Variants in ARHGAP18 observed in about 807,000 individuals in gnomAD.
ARHGAP18 encodes the protein Rho GTPase activating protein 18.
In ARHGAP18, 67 loss-of-function variants were observed where a neutral mutation model predicts 86.2. The ratio of observed to expected loss-of-function variants is 0.78; its 90% confidence interval spans 0.64 to 0.95. The LOEUF is 0.95. Ranked by LOEUF, ARHGAP18 falls within the 40% of genes least tolerant of loss-of-function variation. The probability of loss-of-function intolerance (pLI) is 0.00; values close to 1 mark genes in which losing one functional copy is unlikely to be tolerated. For missense variants in ARHGAP18, 691 were observed against 780.4 expected (o/e 0.89, Z 1.37); for synonymous variants, 283 against 280.4 (o/e 1.01, Z -0.09).
intron 10 of ARHGAP18, among the ~76,000 whole-genome samples, chr6:129,601,148 T>G (rs1788734441): frequency 6.6e-6 from 1 of 152,190 alleles, no homozygotes; most frequent in Non-Finnish European, 1.5e-5. Context: ...ATGGGAGTCA[T>G]GGAGAGCTGA....
intron 5 of ARHGAP18, among the ~76,000 whole-genome samples, chr6:129,626,564 C>T (rs1789476876): frequency 1.3e-5 from 2 of 151,810 alleles, no homozygotes; most frequent in Admixed American, 1.3e-4. Context: ...ACCAGGTATG[C>T]AGCTGATGGC....
rs1327070261 is a variant in ARHGAP18, at chr6:129,625,291, T to A, written c.786+4062A>T. Among the ~76,000 whole-genome samples the A allele has an allele frequency of 3.7e-5, 3 of 80,804 alleles. 1 individual carries two copies. Among genetic ancestry groups the A allele is most frequent in the Non-Finnish European group, 6.4e-5 (3 of 46,608 alleles). 53.0% of individuals were successfully genotyped at this position (80,804 alleles called of 152,430 possible). ...GATATATATTTATATGTAATATATATGATATATGATATATATTTATATGTA... is the reference window on the plus strand; with the variant it reads ...GATATATATTTATATGTAATATATAAGATATATGATATATATTTATATGTA... On this transcript the variant is annotated intron_variant, in intron 5 of 14. Coordinates refer to ENST00000368149, the MANE Select transcript of ARHGAP18 (RefSeq NM_033515.3).
chr6:129,640,062 AAACAAAC>A (rs1773420977), intron 2 of ARHGAP18, among the ~76,000 whole-genome samples: 6 of 139,182 alleles, frequency 4.3e-5, no homozygotes, highest in Non-Finnish European at 6.2e-5. Flanking sequence ...AAAAAAAAAA[AAACAAAC>A]AAAAGTCAGC....
chr6:129,703,300 CAATT>C (rs1451058235), intron 1 of ARHGAP18, among the ~76,000 whole-genome samples: 12 of 152,218 alleles, frequency 7.9e-5, no homozygotes, highest in African/African-American at 1.2e-4. Flanking sequence ...TTAAATGCAT[CAATT>C]GTTACGAGTC....
At chr6:129,697,681 C>T (rs554006224) in intron 1 of ARHGAP18, among the ~76,000 whole-genome samples, 31 of 152,216 alleles carry the variant, frequency 2.0e-4, no homozygotes, top group South Asian at 1.5e-3. Flanking sequence ...TGTGTGATTA[C>T]ACTATAATAG....
At chr6:129,647,506 T>C (rs997485070) in intron 1 of ARHGAP18, among the ~76,000 whole-genome samples, 3 of 152,228 alleles carry the variant, frequency 2.0e-5, no homozygotes, top group Non-Finnish European at 4.4e-5. Context: ...CTGTTTTGTT[T>C]TGTTTTCTTA....
In ARHGAP18 at chr6:129,587,394, A is replaced by G. The variant is rs150187115; in HGVS notation, c.1714-3282T>C. 2.6e-3 allele frequency among the ~76,000 whole-genome samples: 399 copies of G among 152,336 alleles called. 4 individuals carry two copies. The highest frequency in any genetic ancestry group is 9.4e-3 in the African/African-American group (390 of 41,566). On this transcript the variant is annotated intron_variant, in intron 12 of 14. Coordinates refer to ENST00000368149, the MANE Select transcript of ARHGAP18 (RefSeq NM_033515.3). ...GAGTTACTAACATTAGCATGTATCT[A>G]CTTGGGGATGTAGTCTCTTTTCCCC... is the stretch of plus-strand genomic sequence containing the variant.
At position 129,638,595 on chromosome 6, in the gene ARHGAP18, G is replaced by A. The variant is rs768170205; in HGVS notation, c.351C>T (p.Ala117=). The change falls in exon 3 of 15, where the codon GCC becomes GCT. Residue 117 remains alanine, a synonymous_variant. Transcript: ENST00000368149. ...ACTCTCCGAAGAGATTGGATAAACCGGCCTCTTTAAGCCACTCTTCTTCCA... is the reference window on the plus strand; with the variant it reads ...ACTCTCCGAAGAGATTGGATAAACCAGCCTCTTTAAGCCACTCTTCTTCCA... ...GELEEEWLKE[A]GLSNLFGESA... is the part of the protein sequence containing the mutation. 18 of 1,613,974 alleles carry A rather than the reference G, an allele frequency of 1.1e-5. No homozygotes were observed. Among genetic ancestry groups the A allele is most frequent in the South Asian group, 6.6e-5 (6 of 91,042 alleles).
At chr6:129,709,327 A>G (rs1774859102) in intron 1 of ARHGAP18, among the ~76,000 whole-genome samples, 1 of 152,222 alleles carries the variant, frequency 6.6e-6, no homozygotes, top group East Asian at 1.9e-4. Context: ...AAGTACACAG[A>G]TAGGGAGAAA....
At chr6:129,636,889 G>A (rs1184056350) in intron 3 of ARHGAP18, among the ~76,000 whole-genome samples, 2 of 152,144 alleles carry the variant, frequency 1.3e-5, no homozygotes. Context: ...TAGATCCGCT[G>A]ATTTTTTACC....
chr6:129,662,113 A>G (rs1039648769), intron 1 of ARHGAP18, among the ~76,000 whole-genome samples: 1 of 152,260 alleles, frequency 6.6e-6, no homozygotes. Flanking sequence ...ACCATTGTGC[A>G]TAATTACCAT....
intron 1 of ARHGAP18, among the ~76,000 whole-genome samples, chr6:129,706,300 A>G (rs1028170392): frequency 2.0e-5 from 3 of 152,248 alleles, no homozygotes; most frequent in African/African-American, 7.2e-5. Flanking sequence ...AGCTACTCAT[A>G]AAAAGTGGTT....
At chr6:129,644,899 T>G (rs542841092) in intron 1 of ARHGAP18, among the ~76,000 whole-genome samples, 22 of 152,362 alleles carry the variant, frequency 1.4e-4, no homozygotes, top group African/African-American at 5.3e-4. Flanking sequence ...AGCTTAGTGC[T>G]GATGAATTGA....
At position 129,629,368 on chromosome 6, in the gene ARHGAP18, A is replaced by G. The variant is rs1773137118; in HGVS notation, c.771T>C (p.Asp257=). 1.9e-6 allele frequency: 3 copies of G among 1,613,566 alleles called. No homozygotes were observed. In the Admixed American group the frequency reaches 5.0e-5, roughly 27 times the overall value. ...TACTACGTACAGGTAATGTGGCATC[A>G]TCGCCTTTGCTCTTCTGGATTTTCT... ...SKEKIQKSKG[D]DATLPSFRLP... is the part of the protein sequence containing the mutation. Residue 257 remains aspartate, a synonymous_variant, in exon 5 of 15, where the codon GAT becomes GAC. Coordinates refer to ENST00000368149, the MANE Select transcript of ARHGAP18 (RefSeq NM_033515.3).
At chr6:129,631,927 G>A (rs1023567880) in intron 4 of ARHGAP18, among the ~76,000 whole-genome samples, 3 of 147,326 alleles carry the variant, frequency 2.0e-5, no homozygotes, top group South Asian at 2.2e-4. Context: ...AATGAAAAAT[G>A]AACATATTAC....
intron 8 of ARHGAP18, among the ~76,000 whole-genome samples, chr6:129,609,792 T>C (rs747209947): frequency 1.3e-5 from 2 of 152,038 alleles, no homozygotes; most frequent in Non-Finnish European, 2.9e-5. Flanking sequence ...GATCAGAATA[T>C]ATCAGGTTAC....
chr6:129,671,486 C>T (rs1774139634), intron 1 of ARHGAP18, among the ~76,000 whole-genome samples: 1 of 152,034 alleles, frequency 6.6e-6, no homozygotes, highest in South Asian at 2.1e-4. Context: ...ACTGCTTGAG[C>T]CTGGGGGTTC....
At chr6:129,683,055 CTTTTTT>C (rs199633610) in intron 1 of ARHGAP18, among the ~76,000 whole-genome samples, 2 of 139,090 alleles carry the variant, frequency 1.4e-5, no homozygotes, top group Non-Finnish European at 3.1e-5. Context: ...TTTGTTTTTT[CTTTTTT>C]TTTTTTTGTT....
intron 1 of ARHGAP18, among the ~76,000 whole-genome samples, chr6:129,658,278 G>A (rs940437848): frequency 3.3e-5 from 5 of 152,178 alleles, no homozygotes; most frequent in Admixed American, 6.5e-5. Flanking sequence ...GGCAAGCAAG[G>A]ACCTCTCTGG....
Sources: allele counts gnomAD v4.1 joint callset (sites outside exome capture counted in the v4.1 genomes callset), GRCh38; gene constraint gnomAD v4.1.1; transcripts MANE v1.5; gene names NCBI Gene and HGNC (gene_info 2026-07-23, HGNC 2026-07-21).